Variants in ANKRD45 observed in about 807,000 individuals in gnomAD.
ANKRD45 encodes ankyrin repeat domain 45.
A neutral mutation model predicts 28.1 loss-of-function variants in ANKRD45; 21 were observed. The observed-to-expected ratio is 0.75, with a 90% CI of 0.53 to 1.08. The LOEUF (loss-of-function observed/expected upper bound fraction) is 1.08, where lower values mean the gene tolerates loss of function less well. Among genes scored for constraint, ANKRD45 ranks in the 50% least tolerant of loss-of-function variants. The pLI, the probability that ANKRD45 is intolerant of heterozygous loss-of-function variation, is 0.00. For missense variants in ANKRD45, 261 were observed against 308.7 expected, an observed-to-expected ratio of 0.85 and a Z score of 1.16; for synonymous variants, 86 against 103.9, an observed-to-expected ratio of 0.83 and a Z score of 1.05.
intron 5 of ANKRD45, among the ~76,000 whole-genome samples, chr1:173,617,293 G>A (rs940249841): frequency 2.6e-5 from 4 of 152,138 alleles, no homozygotes; most frequent in Non-Finnish European, 4.4e-5. Context: ...CCACTTCCAC[G>A]GCACTTCACA....
chr1:173,709,609 A>T, the ANKRD45 span, among the ~76,000 whole-genome samples: 1 of 151,894 alleles, frequency 6.6e-6, no homozygotes, highest in Admixed American at 6.6e-5. Flanking sequence ...TCTAGACCAT[A>T]TCTGGGCACC....
chr1:173,644,642 T>C lies in ANKRD45; in HGVS notation c.496+2204A>G, dbSNP rs1668845340. On this transcript the variant is annotated intron_variant, in intron 3 of 5. Coordinates refer to ENST00000333279, the MANE Select transcript of ANKRD45 (RefSeq NM_198493.3). ...TTTTTCAGAAAAGTTACAGCAAAATTTGTCCTTGAATTGTGATTTTTAAGT... is the reference window on the plus strand; with the variant it reads ...TTTTTCAGAAAAGTTACAGCAAAATCTGTCCTTGAATTGTGATTTTTAAGT... Among the ~76,000 whole-genome samples, 5 of 152,324 alleles carry C rather than the reference T, an allele frequency of 3.3e-5. No homozygotes were observed. In the South Asian group the frequency reaches 1.0e-3, roughly 32 times the overall value.
the ANKRD45 span, among the ~76,000 whole-genome samples, chr1:173,687,110 A>C: frequency 1.3e-5 from 2 of 152,224 alleles, no homozygotes; most frequent in Non-Finnish European, 2.9e-5. Context: ...TTAAACCTTT[A>C]AAACAAAATA....
chr1:173,714,760 T>C, the ANKRD45 span, among the ~76,000 whole-genome samples: 3 of 152,158 alleles, frequency 2.0e-5, no homozygotes, highest in Non-Finnish European at 2.9e-5. Flanking sequence ...CCGCAGTGAA[T>C]TCTAAAAATG....
Position 173,633,866 on chromosome 1 carries a change from A to T in ANKRD45, c.497-6707T>A, listed in dbSNP as rs139380981. Among the ~76,000 whole-genome samples, 617 of 152,212 alleles carry T rather than the reference A, an allele frequency of 4.1e-3. 7 individuals carry two copies. Among genetic ancestry groups the T allele is most frequent in the African/African-American group, 0.014 (586 of 41,556 alleles). On this transcript the variant is annotated intron_variant, in intron 3 of 5. Coordinates refer to ENST00000333279, the MANE Select transcript of ANKRD45 (RefSeq NM_198493.3). ...ACTGAATTAAAGACTTAAATATAAG[A>T]CCTCAAACTATGAAACTACTGTAAG...
the ANKRD45 span, among the ~76,000 whole-genome samples, chr1:173,709,216 A>G: frequency 6.6e-6 from 1 of 152,136 alleles, no homozygotes; most frequent in South Asian, 2.1e-4. Flanking sequence ...CTGGGAAAAG[A>G]TTCACTTCCA....
At chr1:173,655,351 TC>T (rs1467707403) in intron 2 of ANKRD45, among the ~76,000 whole-genome samples, 2 of 152,158 alleles carry the variant, frequency 1.3e-5, no homozygotes, top group African/African-American at 4.8e-5. Context: ...AACAGTCAGG[TC>T]CCTCAGCTGC....
Position 173,609,932 on chromosome 1 carries a change from C to T in ANKRD45, c.*213G>A, listed in dbSNP as rs1334347428. On this transcript the variant is annotated 3_prime_UTR_variant, in exon 6 of 6. Transcript: ENST00000333279. ...ACCCAAGTGCTTTCCTGAAGGAGCACGTGAAACTCACATGGGGCTGTGCTT... is the reference window on the plus strand; with the variant it reads ...ACCCAAGTGCTTTCCTGAAGGAGCATGTGAAACTCACATGGGGCTGTGCTT... 8 of 544,382 alleles carry T rather than the reference C, an allele frequency of 1.5e-5. No homozygotes were observed. The South Asian group carries it at 1.9e-4, about 13-fold the overall frequency. The allele number at this position is 544,382 out of a possible 1,614,324, so 33.7% of individuals were successfully genotyped here. A position where few individuals can be genotyped will look rare whatever the true frequency, so the allele number is the denominator to read the frequency against.
At chr1:173,693,450 A>G in the ANKRD45 span, among the ~76,000 whole-genome samples, 3 of 152,342 alleles carry the variant, frequency 2.0e-5, no homozygotes, top group Non-Finnish European at 4.4e-5. Context: ...ATAAATATGC[A>G]TGCATATTCA....
At chr1:173,657,100 A>C (rs1314629117) in intron 2 of ANKRD45, among the ~76,000 whole-genome samples, 1 of 150,278 alleles carries the variant, frequency 6.7e-6, no homozygotes, top group Non-Finnish European at 1.5e-5. Flanking sequence ...TTTACATCTT[A>C]GGTTTTTTTC....
chr1:173,675,604 ACT>A, the ANKRD45 span, among the ~76,000 whole-genome samples: 1 of 152,104 alleles, frequency 6.6e-6, no homozygotes, highest in African/African-American at 2.4e-5. Context: ...ACAGAGGGAG[ACT>A]CTGTCTCAAA....
the ANKRD45 span, among the ~76,000 whole-genome samples, chr1:173,699,186 T>C: frequency 6.6e-6 from 1 of 152,072 alleles, no homozygotes; most frequent in African/African-American, 2.4e-5. Context: ...ATTAATAGCC[T>C]ACCAACCAAA....
chr1:173,697,193 G>A, the ANKRD45 span, among the ~76,000 whole-genome samples: 1 of 152,194 alleles, frequency 6.6e-6, no homozygotes, highest in African/African-American at 2.4e-5. Flanking sequence ...CATTTGATTG[G>A]TGTACCTGAA....
At chr1:173,682,518 T>C in the ANKRD45 span, among the ~76,000 whole-genome samples, 2 of 152,170 alleles carry the variant, frequency 1.3e-5, no homozygotes, top group East Asian at 1.9e-4. Context: ...TCATAAACTA[T>C]TTTAGGTCTC....
At chr1:173,669,180 G>A (rs1427817790) in intron 1 of ANKRD45, among the ~76,000 whole-genome samples, 1 of 152,114 alleles carries the variant, frequency 6.6e-6, no homozygotes, top group East Asian at 1.9e-4. Context: ...TAAAACCGTG[G>A]ACATCTACAT....
intron 2 of ANKRD45, among the ~76,000 whole-genome samples, chr1:173,647,979 T>C (rs1219336989): frequency 6.6e-6 from 1 of 152,014 alleles, no homozygotes; most frequent in African/African-American, 2.4e-5. Flanking sequence ...AGTCTTTCGC[T>C]GTTGCCAGGC....
At position 173,609,235 on chromosome 1, in the gene ANKRD45, C is replaced by G. The variant is rs1667045520; in HGVS notation, c.*910G>C. On this transcript the variant is annotated 3_prime_UTR_variant, in exon 6 of 6. Coordinates refer to ENST00000333279, the MANE Select transcript of ANKRD45 (RefSeq NM_198493.3). Reference sequence around the variant, plus strand: ...ATAAATGTCAACTGACAAAGTATTACTGAATTACCCATTCCTTTTCCTTCT... The same window carrying G: ...ATAAATGTCAACTGACAAAGTATTAGTGAATTACCCATTCCTTTTCCTTCT... 6.6e-6 allele frequency among the ~76,000 whole-genome samples: 1 copy of G among 152,214 alleles called. No homozygotes were observed. The highest frequency in any genetic ancestry group is 2.4e-5 in the African/African-American group (1 of 41,458).
the ANKRD45 span, among the ~76,000 whole-genome samples, chr1:173,677,849 A>G: frequency 1.3e-5 from 2 of 152,232 alleles, no homozygotes; most frequent in Admixed American, 6.5e-5. Context: ...AATTATTTCA[A>G]TAAGACGTAA....
chr1:173,627,762 G>C (rs1444384837), intron 3 of ANKRD45, among the ~76,000 whole-genome samples: 1 of 151,952 alleles, frequency 6.6e-6, no homozygotes, highest in Non-Finnish European at 1.5e-5. Context: ...AGTGGACTTG[G>C]GGTGCACATC....
Sources: allele counts gnomAD v4.1 joint callset (sites outside exome capture counted in the v4.1 genomes callset), GRCh38; gene constraint gnomAD v4.1.1; transcripts MANE v1.5; gene names NCBI Gene and HGNC (gene_info 2026-07-23, HGNC 2026-07-21).